ALDH2: variants seen among roughly 807,000 people sequenced by gnomAD.
ALDH2 encodes the protein aldehyde dehydrogenase 2 family member.
In ALDH2, 44 loss-of-function variants were observed where a neutral mutation model predicts 59.6. The ratio of observed to expected loss-of-function variants is 0.74; its 90% CI spans 0.58 to 0.95. ALDH2 has a LOEUF of 0.95. Ranked by LOEUF, ALDH2 falls within the 40% of genes least tolerant of loss-of-function variation. ALDH2 has a pLI of 0.00. For missense variants in ALDH2, 570 were observed against 696.3 expected, an observed-to-expected ratio of 0.82 and a Z score of 2.04; for synonymous variants, 291 against 284.0, an observed-to-expected ratio of 1.02 and a Z score of -0.25.
rs1472332501 is a variant in ALDH2, at chr12:111,790,582, C to G, written c.681+20C>G. On this transcript the variant is annotated intron_variant, in intron 6 of 12. Transcript: ENST00000261733. ...AAGGAGGTGCGTGGCTTATCCTGGT[C>G]TTAACCTCTAAATGCCCTTGTTGAG... 1.2e-6 allele frequency: 2 copies of G among 1,614,082 alleles called. No homozygotes were observed. Among genetic ancestry groups the G allele is most frequent in the Non-Finnish European group, 8.5e-7 (1 of 1,179,998 alleles).
chr12:111,800,630 G>A (rs1271605316), intron 11 of ALDH2, among the ~76,000 whole-genome samples: 2 of 151,998 alleles, frequency 1.3e-5, no homozygotes, highest in Admixed American at 6.6e-5. Flanking sequence ...ATGAGATCTC[G>A]CCATGTTGCC....
chr12:111,767,985 C>G (rs2068171890), intron 1 of ALDH2, among the ~76,000 whole-genome samples: 1 of 152,204 alleles, frequency 6.6e-6, no homozygotes, highest in Admixed American at 6.5e-5. Flanking sequence ...ATCACAGCTC[C>G]TGTCCTGTCT....
In ALDH2 at chr12:111,816,933, A is replaced by G. The variant is rs2068573070; in HGVS notation, c.*7358A>G. On this transcript the variant is annotated 3_prime_UTR_variant, in exon 13 of 13. Coordinates refer to ENST00000261733, the MANE Select transcript of ALDH2 (RefSeq NM_000690.4). ...AGCTCCCTGCAAATGGGCTTTCACA[A>G]GGTCCCATGGATACTCACTTTGGTT... is the stretch of plus-strand genomic sequence containing the variant. 6.6e-6 allele frequency: 1 copy of G among 152,228 alleles called. No homozygotes were observed. Among genetic ancestry groups the G allele is most frequent in the Non-Finnish European group, 1.5e-5 (1 of 68,046 alleles). 9.4% of individuals were successfully genotyped at this position (152,228 alleles called of 1,614,324 possible).
In ALDH2 at chr12:111,805,765, G is replaced by A. The variant is rs774843371; in HGVS notation, c.1521+1792G>A. Among the ~76,000 whole-genome samples the A allele has an allele frequency of 8.8e-5, 13 of 147,116 alleles. No homozygotes were observed. In the East Asian group the frequency reaches 1.8e-3, roughly 21 times the overall value. On this transcript the variant is annotated intron_variant, in intron 12 of 12. Transcript: ENST00000261733. ...AATGGCCGGGCGCGGTGGCTCACGC[G>A]TATAATCCCAGCACTTCTGGAGGCT... is the stretch of plus-strand genomic sequence containing the variant.
At chr12:111,802,812 G>A (rs1225210448) in intron 11 of ALDH2, among the ~76,000 whole-genome samples, 6 of 140,226 alleles carry the variant, frequency 4.3e-5, no homozygotes, top group East Asian at 2.1e-4. Flanking sequence ...CCTGGGAGGC[G>A]GAGCTTGCGG....
At chr12:111,794,629 C>T (rs888595191) in intron 9 of ALDH2, among the ~76,000 whole-genome samples, 1 of 152,054 alleles carries the variant, frequency 6.6e-6, no homozygotes, top group Non-Finnish European at 1.5e-5. Context: ...GCTTCAGCCT[C>T]CCAAGTAGGT....
chr12:111,789,535 A>G (rs971907857), intron 4 of ALDH2, among the ~76,000 whole-genome samples: 16 of 151,944 alleles, frequency 1.1e-4, no homozygotes, highest in Non-Finnish European at 1.6e-4. Flanking sequence ...AAAAAAATCT[A>G]ATTCCTGGGC....
intron 12 of ALDH2, among the ~76,000 whole-genome samples, chr12:111,809,224 CA>C (rs1195012387): frequency 6.6e-6 from 1 of 152,202 alleles, no homozygotes; most frequent in Non-Finnish European, 1.5e-5. Flanking sequence ...GAGGCCCAGA[CA>C]GGCGGAACGC....
At chr12:111,773,408 T>A (rs1027255703) in intron 1 of ALDH2, among the ~76,000 whole-genome samples, 1 of 152,208 alleles carries the variant, frequency 6.6e-6, no homozygotes, top group Admixed American at 6.5e-5. Context: ...AATTTACATG[T>A]TGTGGACATG....
chr12:111,768,436 T>C (rs574180703), intron 1 of ALDH2, among the ~76,000 whole-genome samples: 2 of 152,360 alleles, frequency 1.3e-5, no homozygotes, highest in African/African-American at 4.8e-5. Context: ...AAGGGAATTT[T>C]TAAAAGGATA....
At chr12:111,767,118 G>A in intron 1 of ALDH2, 22 bp downstream of exon 1, 2 of 1,460,746 alleles carry the variant, frequency 1.4e-6, no homozygotes, top group Non-Finnish European at 1.8e-6. Flanking sequence ...GGCCGGGCTC[G>A]CGCTTTGTTT....
chr12:111,812,106 A>G lies in ALDH2; in HGVS notation c.*2531A>G, dbSNP rs2068540276. On this transcript the variant is annotated 3_prime_UTR_variant, in exon 13 of 13. Coordinates refer to ENST00000261733, the MANE Select transcript of ALDH2 (RefSeq NM_000690.4). Reference sequence around the variant, plus strand: ...AGACAGGGAGAGAGAGAGACAGCTTACGCCATTATTTCTGCGTATCAGAGA... The same window carrying G: ...AGACAGGGAGAGAGAGAGACAGCTTGCGCCATTATTTCTGCGTATCAGAGA... 1 of 152,506 alleles carries G rather than the reference A, an allele frequency of 6.6e-6. No individual in the cohort carries two copies. Among genetic ancestry groups the G allele is most frequent in the Admixed American group, 6.5e-5 (1 of 15,286 alleles). The allele number at this position is 152,506 out of a possible 1,614,324, so 9.4% of individuals were successfully genotyped here.
chr12:111,785,811 A>G (rs565097426), intron 4 of ALDH2, among the ~76,000 whole-genome samples: 1 of 152,326 alleles, frequency 6.6e-6, no homozygotes, highest in African/African-American at 2.4e-5. Flanking sequence ...ACTCCAGCTC[A>G]TGGGAAAATC....
intron 1 of ALDH2, 85 bp downstream of exon 1, chr12:111,767,181 C>A (rs1050694605): frequency 3.6e-6 from 4 of 1,110,384 alleles, no homozygotes; most frequent in Non-Finnish European, 3.7e-6. Context: ...CGCCGTGGGC[C>A]TTAGTGTACT....
At chr12:111,786,915 T>C (rs2068314482) in intron 4 of ALDH2, among the ~76,000 whole-genome samples, 1 of 152,026 alleles carries the variant, frequency 6.6e-6, no homozygotes, top group South Asian at 2.1e-4. Context: ...CTGCCAGAAA[T>C]TCACTGAGGC....
chr12:111,767,577 A>C (rs1488082972), intron 1 of ALDH2, among the ~76,000 whole-genome samples: 2 of 152,116 alleles, frequency 1.3e-5, no homozygotes, highest in Non-Finnish European at 2.9e-5. Context: ...TCTCCAGTTC[A>C]CCATGGGCGA....
chr12:111,803,959 A>C lies in ALDH2; in HGVS notation c.1507A>C (p.Thr503Pro). ...GGGCGAGTACGGGCTGCAGGCATAC[A>C]CTGAAGTGAAAACTGTGAGTGTGGG... is the stretch of plus-strand genomic sequence containing the variant. Reference protein sequence around the residue: ...ELGEYGLQAYTEVKTVTVKVP... With the variant: ...ELGEYGLQAYPEVKTVTVKVP... Residue 503 changes from threonine (T) to proline (P), a missense_variant, in exon 12 of 13, where the codon ACT becomes CCT. Coordinates refer to ENST00000261733, the MANE Select transcript of ALDH2 (RefSeq NM_000690.4). 1 of 1,609,574 alleles carries C rather than the reference A, an allele frequency of 6.2e-7. No homozygotes were observed. The highest frequency in any genetic ancestry group is 1.1e-5 in the South Asian group (1 of 90,394).
chr12:111,796,354 CA>C (rs971013438), intron 9 of ALDH2, among the ~76,000 whole-genome samples: 6 of 148,046 alleles, frequency 4.1e-5, no homozygotes, highest in East Asian at 3.9e-4. Context: ...TAAAAAAAAG[CA>C]AAAAAAAATT....
intron 12 of ALDH2, among the ~76,000 whole-genome samples, chr12:111,808,960 T>G (rs1460163102): frequency 6.6e-6 from 1 of 152,010 alleles, no homozygotes; most frequent in African/African-American, 2.4e-5. Flanking sequence ...AAGGAGGGGT[T>G]GAGTGGTGAC....
Sources: gnomAD v4.1 joint callset for allele counts (sites outside exome capture counted in the v4.1 genomes callset) on GRCh38, gnomAD v4.1.1 for gene constraint, MANE v1.5 for transcripts, NCBI Gene and HGNC (gene_info 2026-07-23, HGNC 2026-07-21) for gene names.